The following RNF121 variants were observed in gnomAD, a reference collection of about 807,000 sequenced individuals.
The protein encoded by RNF121 is ring finger protein 121.
In RNF121, 21 loss-of-function variants were observed where a neutral mutation model predicts 46.5. That is an observed-to-expected ratio of 0.45 (90% CI 0.32 to 0.65). RNF121 has a LOEUF of 0.65. Ranked by LOEUF, RNF121 falls within the 30% of genes least tolerant of loss-of-function variation. The probability of loss-of-function intolerance (pLI) is 0.04; values close to 1 mark genes in which losing one functional copy is unlikely to be tolerated. For missense variants in RNF121, 346 were observed against 416.0 expected (o/e 0.83, Z 1.46); for synonymous variants, 139 against 144.7 (o/e 0.96, Z 0.28).
intron 1 of RNF121, chr11:71,939,539 A>G (rs1264836504): frequency 3.9e-5 from 6 of 152,402 alleles, no homozygotes; most frequent in African/African-American, 1.4e-4. Flanking sequence ...ATAGCCAACC[A>G]TTTTCACAGA....
At chr11:71,976,931 A>G (rs979190310) in intron 3 of RNF121, among the ~76,000 whole-genome samples, 6 of 151,974 alleles carry the variant, frequency 3.9e-5, no homozygotes, top group African/African-American at 4.8e-5. Context: ...TATTTCTTCT[A>G]TTTTCCATGT....
chr11:71,996,191 A>G lies in RNF121; in HGVS notation c.864-4A>G. 1 of 1,613,956 alleles carries G rather than the reference A, an allele frequency of 6.2e-7. No homozygotes were observed. The highest frequency in any genetic ancestry group is 1.1e-5 in the South Asian group (1 of 91,076). On this transcript the variant is annotated splice_region_variant and splice_polypyrimidine_tract_variant and intron_variant, in intron 8 of 8. Transcript: ENST00000361756. ...AGAGTCTCTTTTCTTTAACACACTGACAGCTGGGAGAGGCCTCACGTCATG... is the reference window on the plus strand; with the variant it reads ...AGAGTCTCTTTTCTTTAACACACTGGCAGCTGGGAGAGGCCTCACGTCATG...
intron 3 of RNF121, among the ~76,000 whole-genome samples, chr11:71,978,765 C>T (rs1954587561): frequency 6.6e-6 from 1 of 152,184 alleles, no homozygotes; most frequent in African/African-American, 2.4e-5. Flanking sequence ...ACTCATTTAA[C>T]CCATACAACC....
chr11:71,984,745 A>ATTTTTTTTTTTT (rs56134788), intron 4 of RNF121, among the ~76,000 whole-genome samples: 17 of 94,862 alleles, frequency 1.8e-4, no homozygotes, highest in African/African-American at 3.1e-4. Context: ...CACCCGGCTA[A>ATTTTTTTTTTTT]TTTTTTTTTT....
intron 1 of RNF121, among the ~76,000 whole-genome samples, chr11:71,933,653 A>C (rs534312896): frequency 6.6e-6 from 1 of 152,292 alleles, no homozygotes; most frequent in South Asian, 2.1e-4. Context: ...ATGTTCCCTC[A>C]GCCCGCTTGT....
At chr11:71,953,871 TA>T (rs1206421620) in intron 1 of RNF121, among the ~76,000 whole-genome samples, 1 of 152,020 alleles carries the variant, frequency 6.6e-6, no homozygotes, top group African/African-American at 2.4e-5. Context: ...CTTTTGAACC[TA>T]AAAAAAATGT....
At chr11:71,953,330 A>G (rs1163909227) in intron 1 of RNF121, among the ~76,000 whole-genome samples, 2 of 152,158 alleles carry the variant, frequency 1.3e-5, no homozygotes, top group Non-Finnish European at 2.9e-5. Flanking sequence ...ACCGTGCCCA[A>G]CCTCAGAATA....
Position 71,986,985 on chromosome 11 carries a change from CCTT to C in RNF121, c.399-16_399-14del. The stretch of plus-strand genomic sequence containing the variant: ...AGAATCTCTGTGTCAGCTGCACTAA[CCTT>C]CTCTCCTTTCCCCAGGTTGGTTTAT... On this transcript the variant is annotated splice_polypyrimidine_tract_variant and intron_variant, in intron 4 of 8. Coordinates refer to ENST00000361756, the MANE Select transcript of RNF121 (RefSeq NM_018320.5). 1 of 1,436,760 alleles carries C rather than the reference CCTT, an allele frequency of 7.0e-7. No homozygotes were observed. Among genetic ancestry groups the C allele is most frequent in the Non-Finnish European group, 9.8e-7 (1 of 1,018,738 alleles). 89.0% of individuals were successfully genotyped at this position (1,436,760 alleles called of 1,614,324 possible).
Position 71,951,294 on chromosome 11 carries a change from A to C in RNF121, c.64-5933A>C, listed in dbSNP as rs60170713. 7.2e-3 allele frequency among the ~76,000 whole-genome samples: 1,094 copies of C among 152,130 alleles called. 19 individuals carry two copies. The highest frequency in any genetic ancestry group is 0.025 in the African/African-American group (1,019 of 41,506). On this transcript the variant is annotated intron_variant, in intron 1 of 8. Transcript: ENST00000361756. ...AGGAAACTGAGGCATAGAGAGAGGTACCCTATTCATTGACATATAGCAAGT... is the reference window on the plus strand; with the variant it reads ...AGGAAACTGAGGCATAGAGAGAGGTCCCCTATTCATTGACATATAGCAAGT...
At chr11:71,963,210 T>G (rs1954180545) in intron 3 of RNF121, among the ~76,000 whole-genome samples, 1 of 152,246 alleles carries the variant, frequency 6.6e-6, no homozygotes. Flanking sequence ...GTTTTTAATT[T>G]TGATGAAGTT....
In RNF121 at chr11:71,997,216, G is replaced by A. The variant is rs1248377644; in HGVS notation, c.*901G>A. Reference sequence around the variant, plus strand: ...AGAGTGCGTATGCGTGTGTGTGTGTGTGTGTGTGTGTACGTGAGGCAGAAG... The same window carrying A: ...AGAGTGCGTATGCGTGTGTGTGTGTATGTGTGTGTGTACGTGAGGCAGAAG... On this transcript the variant is annotated 3_prime_UTR_variant, in exon 9 of 9. Transcript: ENST00000361756. The A allele has an allele frequency of 6.6e-6, 1 of 152,194 alleles. No individual in the cohort carries two copies. The highest frequency in any genetic ancestry group is 1.5e-5 in the Non-Finnish European group (1 of 68,060). 9.4% of individuals were successfully genotyped at this position (152,194 alleles called of 1,614,324 possible).
At chr11:71,932,531 C>T (rs1376633483) in intron 1 of RNF121, among the ~76,000 whole-genome samples, 1 of 152,068 alleles carries the variant, frequency 6.6e-6, no homozygotes, top group African/African-American at 2.4e-5. Flanking sequence ...AAATTGATAC[C>T]GTATATTTGA....
At chr11:71,969,674 C>T (rs1265924469) in intron 3 of RNF121, among the ~76,000 whole-genome samples, 3 of 152,094 alleles carry the variant, frequency 2.0e-5, no homozygotes, top group African/African-American at 7.2e-5. Flanking sequence ...TTGATCCTCC[C>T]ACCTCAGCCT....
intron 1 of RNF121, among the ~76,000 whole-genome samples, chr11:71,948,405 C>G (rs936480390): frequency 3.5e-5 from 5 of 143,942 alleles, no homozygotes; most frequent in Admixed American, 1.5e-4. Context: ...GCCCCACCTA[C>G]TTGGGAGGCT....
At chr11:71,991,011 C>A (rs1954854225) in intron 6 of RNF121, among the ~76,000 whole-genome samples, 1 of 152,092 alleles carries the variant, frequency 6.6e-6, no homozygotes, top group Admixed American at 6.6e-5. Context: ...TAAGTGGGAA[C>A]TAAACATTGG....
At chr11:71,994,935 C>T in intron 7 of RNF121, 83 bp downstream of exon 7, 3 of 1,572,108 alleles carry the variant, frequency 1.9e-6, no homozygotes, top group Non-Finnish European at 2.6e-6. Context: ...TGGTCATGAC[C>T]CTAGGCATGC....
chr11:71,955,886 G>T (rs1953979858), intron 1 of RNF121, among the ~76,000 whole-genome samples: 1 of 152,206 alleles, frequency 6.6e-6, no homozygotes, highest in South Asian at 2.1e-4. Context: ...AATAAATTCT[G>T]TGAGGCAGTG....
chr11:71,979,464 G>A (rs767442359), intron 3 of RNF121, among the ~76,000 whole-genome samples: 5 of 150,872 alleles, frequency 3.3e-5, no homozygotes, highest in East Asian at 1.9e-4. Flanking sequence ...TCTTTCTCTC[G>A]ATGTGACTTG....
At chr11:71,988,014 G>A (rs941973416) in intron 5 of RNF121, among the ~76,000 whole-genome samples, 15 of 152,156 alleles carry the variant, frequency 9.9e-5, no homozygotes, top group African/African-American at 3.4e-4. Flanking sequence ...GCTGACATTC[G>A]ACAAGATTTC....
Sources: gnomAD v4.1 joint callset for allele counts (sites outside exome capture counted in the v4.1 genomes callset) on GRCh38, gnomAD v4.1.1 for gene constraint, MANE v1.5 for transcripts, NCBI Gene and HGNC (gene_info 2026-07-23, HGNC 2026-07-21) for gene names.